Variants in TSPAN18 observed in about 807,000 individuals in gnomAD.
TSPAN18 encodes tetraspanin 18, also known as tetraspanin-18.
A neutral mutation model predicts 27.3 loss-of-function variants in TSPAN18; 14 were observed. That is an observed-to-expected ratio of 0.51 (90% CI 0.34 to 0.80). The LOEUF (loss-of-function observed/expected upper bound fraction) is 0.80. TSPAN18 is among the 30% of genes least tolerant of loss of function. TSPAN18 has a pLI of 0.01. For missense variants in TSPAN18, 268 were observed against 323.9 expected (o/e 0.83, Z 1.32); for synonymous variants, 143 against 136.5 (o/e 1.05, Z -0.33).
chr11:44,823,899 C>T (rs1486917718), intron 2 of TSPAN18, among the ~76,000 whole-genome samples: 1 of 152,064 alleles, frequency 6.6e-6, no homozygotes, highest in Non-Finnish European at 1.5e-5. Flanking sequence ...ATGAAAGAGG[C>T]CCCCCTCTCG....
At chr11:44,788,395 A>G (rs1040649831) in intron 2 of TSPAN18, among the ~76,000 whole-genome samples, 1 of 151,880 alleles carries the variant, frequency 6.6e-6, no homozygotes, top group African/African-American at 2.4e-5. Flanking sequence ...CAAGAGGCAC[A>G]CGTGACTAGT....
rs1365742214 is a variant in TSPAN18 at position 44,846,568 on chromosome 11, G to T, written c.-152-13760G>T. Among the ~76,000 whole-genome samples the T allele has an allele frequency of 4.0e-5, 6 of 150,998 alleles. 1 individual carries two copies. The highest frequency in any genetic ancestry group is 8.8e-5 in the Non-Finnish European group (6 of 67,806). On this transcript the variant is annotated intron_variant, in intron 2 of 9. Coordinates refer to ENST00000520358, the MANE Select transcript of TSPAN18 (RefSeq NM_130783.5). ...TATTTAACAGAAACAGTCTGCTCTG[G>T]GCTGGGCTCTTCCAAGAGGCTGTCT...
chr11:44,753,111 C>G (rs1396896297), intron 1 of TSPAN18, among the ~76,000 whole-genome samples: 2 of 152,206 alleles, frequency 1.3e-5, no homozygotes, highest in East Asian at 3.9e-4. Flanking sequence ...ACCTTTCTCA[C>G]TTGATATTAT....
chr11:44,784,244 G>A (rs1856005266), intron 2 of TSPAN18, among the ~76,000 whole-genome samples: 1 of 152,156 alleles, frequency 6.6e-6, no homozygotes, highest in African/African-American at 2.4e-5. Flanking sequence ...AATGGAGAGG[G>A]ACCGAACAGG....
At chr11:44,888,855 G>A (rs2135277046) in intron 3 of TSPAN18, among the ~76,000 whole-genome samples, 1 of 152,330 alleles carries the variant, frequency 6.6e-6, no homozygotes, top group East Asian at 1.9e-4. Flanking sequence ...TGGTGATATA[G>A]TTTGGCTGTG....
chr11:44,826,573 C>G (rs115662206), intron 2 of TSPAN18, among the ~76,000 whole-genome samples: 1 of 152,326 alleles, frequency 6.6e-6, no homozygotes, highest in African/African-American at 2.4e-5. Context: ...AGGGTTTTAC[C>G]TGGCTCATCT....
intron 1 of TSPAN18, chr11:44,736,778 G>A (rs952550809): frequency 5.3e-5 from 8 of 152,202 alleles, no homozygotes; most frequent in African/African-American, 1.9e-4. Context: ...TGCCAGTTCA[G>A]CTTCACACTA....
chr11:44,741,390 TG>T (rs1854928712), intron 1 of TSPAN18, among the ~76,000 whole-genome samples: 1 of 152,138 alleles, frequency 6.6e-6, no homozygotes, highest in Non-Finnish European at 1.5e-5. Flanking sequence ...GGGCAATTTT[TG>T]TTTCTTCGTA....
intron 3 of TSPAN18, among the ~76,000 whole-genome samples, chr11:44,882,290 G>A (rs1302216043): frequency 1.3e-5 from 2 of 152,124 alleles, no homozygotes; most frequent in South Asian, 2.1e-4. Context: ...CAGCTGGGGG[G>A]AAATGAAACA....
chr11:44,886,269 A>G (rs1858649440), intron 3 of TSPAN18: 1 of 152,232 alleles, frequency 6.6e-6, no homozygotes, highest in Non-Finnish European at 1.5e-5. Context: ...TTTACTGAAC[A>G]CAGGCTGAGA....
chr11:44,904,267 A>C (rs1213497933), intron 3 of TSPAN18, among the ~76,000 whole-genome samples: 1 of 152,174 alleles, frequency 6.6e-6, no homozygotes, highest in Admixed American at 6.5e-5. Flanking sequence ...TTTGATGCTG[A>C]GTGGCCCCGC....
chr11:44,827,846 A>G (rs1230011567), intron 2 of TSPAN18, among the ~76,000 whole-genome samples: 1 of 152,182 alleles, frequency 6.6e-6, no homozygotes. Flanking sequence ...GGGACATGGG[A>G]AGCAGGGATG....
intron 2 of TSPAN18, among the ~76,000 whole-genome samples, chr11:44,817,481 G>T (rs958546525): frequency 6.6e-6 from 1 of 152,202 alleles, no homozygotes. Flanking sequence ...CAGCTGCCTG[G>T]ACCCTGTGGT....
At chr11:44,897,902 T>C in intron 3 of TSPAN18, 1 of 1,267,528 alleles carries the variant, frequency 7.9e-7, no homozygotes, top group African/African-American at 1.5e-5. Flanking sequence ...CCATCTCCAC[T>C]CTGATCCTTT....
intron 2 of TSPAN18, among the ~76,000 whole-genome samples, chr11:44,823,378 C>T (rs1175775269): frequency 2.6e-5 from 4 of 152,136 alleles, no homozygotes; most frequent in Non-Finnish European, 5.9e-5. Context: ...GGCGATGCAG[C>T]GGGGGGCTTT....
chr11:44,906,349 G>C, intron 3 of TSPAN18, 58 bp from the exon 4 acceptor site: 2 of 1,520,942 alleles, frequency 1.3e-6, no homozygotes, highest in East Asian at 4.5e-5. Flanking sequence ...GGAGGGGCTG[G>C]GGTTCTTCCT....
chr11:44,778,631 T>C (rs887735700), intron 2 of TSPAN18, among the ~76,000 whole-genome samples: 1 of 152,188 alleles, frequency 6.6e-6, no homozygotes, highest in African/African-American at 2.4e-5. Context: ...CTGAGGACTT[T>C]CCCAGTGCTA....
At chr11:44,860,721 T>C (rs1327904938) in intron 3 of TSPAN18, among the ~76,000 whole-genome samples, 1 of 152,166 alleles carries the variant, frequency 6.6e-6, no homozygotes, top group Non-Finnish European at 1.5e-5. Context: ...GCCAGACAGC[T>C]GAGAAGGCTG....
Position 44,756,654 on chromosome 11 carries a change from G to A in TSPAN18, c.-239-7772G>A, listed in dbSNP as rs187212844. On this transcript the variant is annotated intron_variant, in intron 1 of 9. Transcript: ENST00000520358. The stretch of plus-strand genomic sequence containing the variant: ...ACTATTCTACATGTTTCATGTAAGT[G>A]GAATCATGCAGTATTTGTCTTTTGT... Among the ~76,000 whole-genome samples, 532 of 152,132 alleles carry A rather than the reference G, an allele frequency of 3.5e-3. 3 individuals carry two copies. Among genetic ancestry groups the A allele is most frequent in the African/African-American group, 0.012 (482 of 41,476 alleles).
Sources: gnomAD v4.1 joint callset for allele counts (sites outside exome capture counted in the v4.1 genomes callset) on GRCh38, gnomAD v4.1.1 for gene constraint, MANE v1.5 for transcripts, NCBI Gene and HGNC (gene_info 2026-07-23, HGNC 2026-07-21) for gene names.